The following ZNF609 variants were observed in gnomAD, a reference collection of about 807,000 sequenced individuals.
The protein encoded by ZNF609 is zinc finger protein 609.
ZNF609 carries 11 observed loss-of-function variants against 109.5 expected under a neutral mutation model. That is an observed-to-expected ratio of 0.10 (90% CI 0.06 to 0.17). The LOEUF is 0.17. ZNF609 is among the 10% of genes least tolerant of loss of function. The pLI, the probability that ZNF609 is intolerant of heterozygous loss-of-function variation, is 1.00. For synonymous variants in ZNF609, 646 were observed against 662.0 expected (o/e 0.98, Z 0.37); for missense variants, 1,559 against 1,772.4 (o/e 0.88, Z 2.16).
At chr15:64,529,811 A>T in intron 2 of ZNF609, 1 of 440,094 alleles carries the variant, frequency 2.3e-6, no homozygotes, top group South Asian at 2.0e-5. Context: ...GCTCACCACA[A>T]CCTCTGCCTC....
intron 2 of ZNF609, among the ~76,000 whole-genome samples, chr15:64,591,703 G>T (rs942072915): frequency 5.3e-5 from 8 of 151,796 alleles, no homozygotes; most frequent in African/African-American, 1.9e-4. Context: ...ACATGGTGAG[G>T]TCCTATCTCT....
intron 2 of ZNF609, among the ~76,000 whole-genome samples, chr15:64,562,717 C>A (rs1595719168): frequency 7.2e-6 from 1 of 139,842 alleles, no homozygotes; most frequent in Non-Finnish European, 1.6e-5. Flanking sequence ...AAACTATAGC[C>A]CGAGTTTAAA....
intron 2 of ZNF609, among the ~76,000 whole-genome samples, chr15:64,615,430 A>G (rs1038755436): frequency 4.6e-5 from 7 of 151,480 alleles, no homozygotes; most frequent in African/African-American, 1.7e-4. Context: ...GGTGTGAGCT[A>G]CTGCCTCTGT....
chr15:64,666,619 C>G (rs1476543929), intron 3 of ZNF609, among the ~76,000 whole-genome samples: 1 of 151,866 alleles, frequency 6.6e-6, no homozygotes, highest in Non-Finnish European at 1.5e-5. Context: ...TCAAGCAGTT[C>G]TCTTGCCACA....
intron 2 of ZNF609, among the ~76,000 whole-genome samples, chr15:64,603,020 C>G (rs1457873790): frequency 2.0e-5 from 3 of 149,846 alleles, no homozygotes; most frequent in African/African-American, 7.4e-5. Flanking sequence ...GCTGGGATTA[C>G]AGGCGTGAGC....
chr15:64,566,968 A>AT (rs1894786421), intron 2 of ZNF609, among the ~76,000 whole-genome samples: 1 of 152,162 alleles, frequency 6.6e-6, no homozygotes, highest in South Asian at 2.1e-4. Flanking sequence ...AACCTTTGTG[A>AT]TAAGCATTGG....
chr15:64,623,126 G>T, intron 3 of ZNF609, 74 bp downstream of exon 3: 1 of 1,437,506 alleles, frequency 7.0e-7, no homozygotes, highest in Non-Finnish European at 9.7e-7. Flanking sequence ...ACTTATTGTT[G>T]TAAATATTAC....
intron 2 of ZNF609, among the ~76,000 whole-genome samples, chr15:64,614,123 G>A (rs1174059687): frequency 2.0e-5 from 3 of 151,384 alleles, no homozygotes; most frequent in Non-Finnish European, 4.4e-5. Flanking sequence ...GTTTCACCAT[G>A]TTGGCCGGGC....
At chr15:64,499,256 GTTTCTT>G in intron 1 of ZNF609, 31 bp from the exon 2 acceptor site, 1 of 909,044 alleles carries the variant, frequency 1.1e-6, no homozygotes, top group Non-Finnish European at 1.6e-6. Context: ...TGCCTGTATT[GTTTCTT>G]TTAACAGCTT....
chr15:64,590,467 G>A (rs1895274565), intron 2 of ZNF609, among the ~76,000 whole-genome samples: 1 of 151,926 alleles, frequency 6.6e-6, no homozygotes, highest in East Asian at 1.9e-4. Flanking sequence ...GATTAAAGGT[G>A]TGTGCCACCA....
At chr15:64,505,226 C>G (rs1311912737) in intron 2 of ZNF609, among the ~76,000 whole-genome samples, 2 of 152,154 alleles carry the variant, frequency 1.3e-5, no homozygotes, top group African/African-American at 2.4e-5. Flanking sequence ...TTGAGCTTGA[C>G]TACTTATGAT....
At chr15:64,525,516 C>T (rs968350896) in intron 2 of ZNF609, among the ~76,000 whole-genome samples, 1 of 152,172 alleles carries the variant, frequency 6.6e-6, no homozygotes, top group Non-Finnish European at 1.5e-5. Flanking sequence ...AGTCTTTCAA[C>T]TTTATTCTTC....
intron 2 of ZNF609, among the ~76,000 whole-genome samples, chr15:64,544,113 C>T (rs1400123339): frequency 2.3e-4 from 35 of 152,134 alleles, no homozygotes; most frequent in Admixed American, 2.2e-3. Flanking sequence ...CCAAGGACGG[C>T]GGATCACCTT....
At chr15:64,539,859 A>T (rs1894220549) in intron 2 of ZNF609, among the ~76,000 whole-genome samples, 2 of 147,542 alleles carry the variant, frequency 1.4e-5, no homozygotes, top group Non-Finnish European at 3.0e-5. Flanking sequence ...CTGGTCTCAA[A>T]CTCCTGACCC....
intron 2 of ZNF609, among the ~76,000 whole-genome samples, chr15:64,523,946 A>G (rs1182862660): frequency 6.6e-6 from 1 of 151,892 alleles, no homozygotes; most frequent in Non-Finnish European, 1.5e-5. Flanking sequence ...TAATGTTTCC[A>G]GAAACCATTT....
At chr15:64,641,849 A>G (rs1951074193) in intron 3 of ZNF609, among the ~76,000 whole-genome samples, 1 of 152,184 alleles carries the variant, frequency 6.6e-6, no homozygotes, top group Non-Finnish European at 1.5e-5. Context: ...TATACTTAGA[A>G]TATTAATAAA....
intron 2 of ZNF609, among the ~76,000 whole-genome samples, chr15:64,532,611 G>T (rs1317935954): frequency 6.6e-6 from 1 of 152,160 alleles, no homozygotes; most frequent in Non-Finnish European, 1.5e-5. Context: ...GTCTGCTCAC[G>T]TTTTAAACAT....
Position 64,495,592 on chromosome 15 carries a change from G to A in ZNF609, c.-127-3701G>A, listed in dbSNP as rs957225470. 3.3e-5 allele frequency among the ~76,000 whole-genome samples: 5 copies of A among 151,796 alleles called. No individual in the cohort carries two copies. The South Asian group carries it at 8.3e-4, about 25-fold the overall frequency. ...ATTTTTGTATTTTTAGTAGAGAAAGGGTTTCGTCATGCTGGCTAGGCTGAT... is the reference window on the plus strand; with the variant it reads ...ATTTTTGTATTTTTAGTAGAGAAAGAGTTTCGTCATGCTGGCTAGGCTGAT... On this transcript the variant is annotated intron_variant, in intron 1 of 9. Transcript: ENST00000326648.
At chr15:64,552,047 T>C (rs1475047575) in intron 2 of ZNF609, among the ~76,000 whole-genome samples, 4 of 151,998 alleles carry the variant, frequency 2.6e-5, no homozygotes, top group Non-Finnish European at 5.9e-5. Flanking sequence ...CTTATTATTG[T>C]GTTTTGAGAG....
Sources: gnomAD v4.1 joint callset for allele counts (sites outside exome capture counted in the v4.1 genomes callset) on GRCh38, gnomAD v4.1.1 for gene constraint, MANE v1.5 for transcripts, NCBI Gene and HGNC (gene_info 2026-07-23, HGNC 2026-07-21) for gene names.